CNTN4: variants seen among roughly 807,000 people sequenced by gnomAD.
CNTN4 encodes the protein contactin 4, also known as contactin-4.
Under a neutral mutation model 122.5 loss-of-function variants are expected in CNTN4, and 77 were observed. The observed-to-expected ratio is 0.63, with a 90% CI of 0.52 to 0.76. CNTN4 has a LOEUF of 0.76. Among genes scored for constraint, CNTN4 ranks in the 30% least tolerant of loss-of-function variants. The probability of loss-of-function intolerance (pLI) is 0.00; values close to 1 mark genes in which losing one functional copy is unlikely to be tolerated. For missense variants in CNTN4, 1,256 were observed against 1,259.1 expected (o/e 1.00, Z 0.04); for synonymous variants, 512 against 447.0 (o/e 1.15, Z -1.83).
chr3:2,274,382 AAAAC>A (rs139284831), intron 2 of CNTN4, among the ~76,000 whole-genome samples: 80,817 of 150,870 alleles, frequency 0.54, 22,229 homozygotes, highest in South Asian at 0.67. Context: ...GACTCCATCA[AAAAC>A]AAACAAACAA....
intron 4 of CNTN4, among the ~76,000 whole-genome samples, chr3:2,572,873 AAAT>A (rs945391253): frequency 2.6e-4 from 40 of 152,320 alleles, no homozygotes; most frequent in African/African-American, 9.1e-4. Context: ...ATAAAATCAA[AAAT>A]AATAATGGTA....
intron 3 of CNTN4, among the ~76,000 whole-genome samples, chr3:2,560,605 C>G (rs1253806192): frequency 6.6e-6 from 1 of 152,154 alleles, no homozygotes; most frequent in Non-Finnish European, 1.5e-5. Flanking sequence ...TTTATGGACA[C>G]AAAACTGGAG....
intron 4 of CNTN4, among the ~76,000 whole-genome samples, chr3:2,689,418 T>A (rs2085607966): frequency 6.6e-6 from 1 of 152,130 alleles, no homozygotes; most frequent in African/African-American, 2.4e-5. Flanking sequence ...AGAGGGAGCA[T>A]TTTGGCTCCA....
chr3:2,627,338 T>C (rs894331171), intron 4 of CNTN4, among the ~76,000 whole-genome samples: 25 of 152,296 alleles, frequency 1.6e-4, no homozygotes, highest in Middle Eastern at 3.4e-3. Flanking sequence ...TTGCAAGTTA[T>C]GTTTATTTTC....
chr3:2,627,252 T>G (rs2082227180), intron 4 of CNTN4, among the ~76,000 whole-genome samples: 1 of 152,214 alleles, frequency 6.6e-6, no homozygotes, highest in Non-Finnish European at 1.5e-5. Flanking sequence ...TGTTTACACA[T>G]AGACAGTAGT....
At chr3:2,593,398 T>TC (rs2080598969) in intron 4 of CNTN4, among the ~76,000 whole-genome samples, 1 of 152,240 alleles carries the variant, frequency 6.6e-6, no homozygotes, top group African/African-American at 2.4e-5. Flanking sequence ...ATTGAGATTA[T>TC]CCCTGCTTAG....
intron 6 of CNTN4, among the ~76,000 whole-genome samples, chr3:2,804,737 C>CTTTTTTTTTTTTTTT (rs370653933): frequency 2.1e-5 from 3 of 144,878 alleles, no homozygotes; most frequent in Admixed American, 6.9e-5. Flanking sequence ...ATTTTGAGCA[C>CTTTTTTTTTTTTTTT]TTTTTTTTTG....
At chr3:2,250,277 CTAAT>C (rs1459914046) in intron 2 of CNTN4, among the ~76,000 whole-genome samples, 2 of 151,896 alleles carry the variant, frequency 1.3e-5, no homozygotes, top group Non-Finnish European at 2.9e-5. Flanking sequence ...AATGGCATAA[CTAAT>C]TAATAGCGAA....
At chr3:2,150,411 C>T (rs1454750405) in intron 2 of CNTN4, among the ~76,000 whole-genome samples, 1 of 151,918 alleles carries the variant, frequency 6.6e-6, no homozygotes, top group African/African-American at 2.4e-5. Flanking sequence ...TCTTTTTTTC[C>T]TTGCAATTTT....
intron 3 of CNTN4, among the ~76,000 whole-genome samples, chr3:2,537,453 G>C (rs1481253499): frequency 6.6e-6 from 1 of 152,096 alleles, no homozygotes; most frequent in Non-Finnish European, 1.5e-5. Context: ...ACTTTATGTT[G>C]TCTTTTAAGT....
chr3:2,728,599 C>T (rs1413739950), intron 4 of CNTN4, among the ~76,000 whole-genome samples: 1 of 152,196 alleles, frequency 6.6e-6, no homozygotes, highest in Non-Finnish European at 1.5e-5. Context: ...ACACACGGAG[C>T]ATTTACTCTC....
At chr3:2,649,217 G>A (rs2150177719) in intron 4 of CNTN4, among the ~76,000 whole-genome samples, 1 of 152,256 alleles carries the variant, frequency 6.6e-6, no homozygotes, top group Non-Finnish European at 1.5e-5. Context: ...TAATAAAGGT[G>A]GCTACCCTAA....
intron 12 of CNTN4, among the ~76,000 whole-genome samples, chr3:2,915,188 C>T (rs1015227817): frequency 6.6e-6 from 1 of 152,204 alleles, no homozygotes; most frequent in Non-Finnish European, 1.5e-5. Context: ...ACCTGAGCCT[C>T]CCAAGTAGCT....
chr3:2,939,765 G>C (rs6791167), intron 13 of CNTN4, among the ~76,000 whole-genome samples: 3 of 152,012 alleles, frequency 2.0e-5, no homozygotes, highest in Non-Finnish European at 2.9e-5. Flanking sequence ...AACTTCAGTA[G>C]GTGAAGAGTT....
chr3:2,471,098 A>G (rs1303242479), intron 3 of CNTN4, among the ~76,000 whole-genome samples: 1 of 152,166 alleles, frequency 6.6e-6, no homozygotes, highest in African/African-American at 2.4e-5. Context: ...GGGACCAATC[A>G]TTGTGAGTCA....
chr3:2,618,613 G>T (rs190683909), intron 4 of CNTN4, among the ~76,000 whole-genome samples: 40 of 152,266 alleles, frequency 2.6e-4, no homozygotes, highest in African/African-American at 9.1e-4. Flanking sequence ...TGCTCAAGGT[G>T]CCCCAAATAG....
At chr3:2,567,843 T>C (rs2079241172) in intron 3 of CNTN4, among the ~76,000 whole-genome samples, 1 of 152,182 alleles carries the variant, frequency 6.6e-6, no homozygotes, top group Non-Finnish European at 1.5e-5. Context: ...AGGAGCTTTC[T>C]TGAAACTCCT....
At chr3:2,489,059 A>AT (rs763865451) in intron 3 of CNTN4, among the ~76,000 whole-genome samples, 16 of 151,236 alleles carry the variant, frequency 1.1e-4, no homozygotes, top group Admixed American at 4.6e-4. Flanking sequence ...TTTGCAAATT[A>AT]CTTTTTTTTC....
chr3:2,597,431 A>G (rs1036663361), intron 4 of CNTN4, among the ~76,000 whole-genome samples: 2 of 152,210 alleles, frequency 1.3e-5, no homozygotes, highest in Admixed American at 6.5e-5. Flanking sequence ...TTATGCCTCA[A>G]TGAAGGAGCC....
Sources: allele counts gnomAD v4.1 joint callset (sites outside exome capture counted in the v4.1 genomes callset), GRCh38; gene constraint gnomAD v4.1.1; transcripts MANE v1.5; gene names NCBI Gene and HGNC (gene_info 2026-07-23, HGNC 2026-07-21).